Variants in C10orf53 observed in about 807,000 individuals in gnomAD.
C10orf53 encodes chromosome 10 open reading frame 53.
C10orf53 carries 8 observed loss-of-function variants against 9.4 expected under a neutral mutation model. The ratio of observed to expected loss-of-function variants is 0.85; its 90% CI spans 0.50 to 1.53. The LOEUF (loss-of-function observed/expected upper bound fraction) is 1.53, where lower values mean the gene tolerates loss of function less well. Among genes scored for constraint, C10orf53 ranks in the 40% most tolerant of loss-of-function variants. The pLI is 0.00. For missense variants in C10orf53, 117 were observed against 117.8 expected (o/e 0.99, Z 0.03); for synonymous variants, 48 against 46.0 (o/e 1.04, Z -0.18).
At chr10:49,698,854 C>T (rs933813957), downstream of C10orf53, among the ~76,000 whole-genome samples, 2 of 152,150 alleles carry the variant, frequency 1.3e-5, no homozygotes, top group Non-Finnish European at 2.9e-5. Context: ...AGTCAGGCAG[C>T]AGCAGACTGA....
intron 1 of C10orf53, among the ~76,000 whole-genome samples, chr10:49,680,007 GTGC>G (rs1197609869): frequency 9.2e-5 from 14 of 152,258 alleles, no homozygotes; most frequent in African/African-American, 3.4e-4. Context: ...GGCCCACCCA[GTGC>G]CCAGCAAATT....
chr10:49,690,607 G>A (rs1451052756), intron 1 of C10orf53, among the ~76,000 whole-genome samples: 1 of 152,118 alleles, frequency 6.6e-6, no homozygotes, highest in Non-Finnish European at 1.5e-5. Context: ...TGGCCTCAAT[G>A]CTGGTGAAGC....
intron 1 of C10orf53, among the ~76,000 whole-genome samples, chr10:49,690,292 A>G (rs1169778399): frequency 6.6e-6 from 1 of 152,208 alleles, no homozygotes; most frequent in Non-Finnish European, 1.5e-5. Flanking sequence ...CCGGCAGCCA[A>G]CAAGGGCCAG....
At chr10:49,687,613 G>A (rs1268309007) in intron 1 of C10orf53, among the ~76,000 whole-genome samples, 1 of 152,250 alleles carries the variant, frequency 6.6e-6, no homozygotes, top group African/African-American at 2.4e-5. Flanking sequence ...CCTCACCAAT[G>A]TGAGATTCTG....
chr10:49,703,669 G>T (rs910117366), intron 2 of C10orf53, among the ~76,000 whole-genome samples: 3 of 152,134 alleles, frequency 2.0e-5, no homozygotes, highest in Non-Finnish European at 1.5e-5. Flanking sequence ...GAGTGCTTTA[G>T]ATCTGGGGAC....
In C10orf53 at chr10:49,680,564, TG is replaced by T. The variant is rs552550006; in HGVS notation, c.97+772del. Among the ~76,000 whole-genome samples, 330 of 152,292 alleles carry T rather than the reference TG, an allele frequency of 2.2e-3. 4 individuals are homozygous for T. Among genetic ancestry groups the T allele is most frequent in the African/African-American group, 7.4e-3 (307 of 41,558 alleles). The stretch of plus-strand genomic sequence containing the variant: ...TTGTTAAACTGATGGGGGATGAGGC[TG>T]GAGAGGTAATCAGGCCAGATCCTGC... On this transcript the variant is annotated intron_variant, in intron 1 of 2. Transcript: ENST00000374111.
intron 1 of C10orf53, among the ~76,000 whole-genome samples, chr10:49,687,976 G>T (rs1840544443): frequency 6.6e-6 from 1 of 152,222 alleles, no homozygotes; most frequent in South Asian, 2.1e-4. Flanking sequence ...CCAGTGGCTG[G>T]AAATTACGTT....
At chr10:49,687,838 G>C (rs759118949) in intron 1 of C10orf53, among the ~76,000 whole-genome samples, 2 of 152,206 alleles carry the variant, frequency 1.3e-5, no homozygotes, top group Non-Finnish European at 2.9e-5. Flanking sequence ...CAGGAAGCCA[G>C]TGAAGGTTCT....
At chr10:49,683,901 A>T (rs544760661) in intron 1 of C10orf53, among the ~76,000 whole-genome samples, 8 of 152,332 alleles carry the variant, frequency 5.3e-5, no homozygotes, top group Admixed American at 1.3e-4. Flanking sequence ...CTGTCTAAAA[A>T]AAAGAAAGAA....
At chr10:49,682,459 G>A (rs1308396492) in intron 1 of C10orf53, among the ~76,000 whole-genome samples, 2 of 152,220 alleles carry the variant, frequency 1.3e-5, no homozygotes, top group Non-Finnish European at 2.9e-5. Context: ...AGCTCTTAAA[G>A]GTGGTGCAGA....
chr10:49,691,235 C>G (rs1347997039), intron 1 of C10orf53, among the ~76,000 whole-genome samples: 1 of 152,220 alleles, frequency 6.6e-6, no homozygotes, highest in African/African-American at 2.4e-5. Context: ...ATCCCTTAAG[C>G]CTGCACTGGC....
downstream of C10orf53, among the ~76,000 whole-genome samples, chr10:49,699,893 A>T (rs1462219564): frequency 3.7e-5 from 4 of 106,714 alleles, no homozygotes; most frequent in Admixed American, 8.7e-5. Flanking sequence ...GGCAGAGCTC[A>T]TCCCCCCCGA....
At chr10:49,691,188 G>C (rs1840580889) in intron 1 of C10orf53, among the ~76,000 whole-genome samples, 1 of 152,190 alleles carries the variant, frequency 6.6e-6, no homozygotes, top group South Asian at 2.1e-4. Context: ...AGTGGCATTT[G>C]GATGAGCTGC....
intron 2 of C10orf53, 78 bp from the exon 3 acceptor site, chr10:49,694,460 G>A (rs1437378351): frequency 1.3e-6 from 2 of 1,577,594 alleles, no homozygotes; most frequent in South Asian, 1.1e-5. Context: ...CACTCTGGGT[G>A]GAAGCCATAG....
chr10:49,693,432 T>G (rs144138940), intron 1 of C10orf53, among the ~76,000 whole-genome samples: 3 of 152,322 alleles, frequency 2.0e-5, no homozygotes, highest in African/African-American at 7.2e-5. Flanking sequence ...AGAAGTTGCC[T>G]ATTCCCCCAA....
chr10:49,702,260 AG>A (rs1182804049), downstream of C10orf53, among the ~76,000 whole-genome samples: 1 of 141,696 alleles, frequency 7.1e-6, no homozygotes, highest in Non-Finnish European at 1.5e-5. Context: ...AGGGAGGGAC[AG>A]TGGTCAAAAC....
At chr10:49,680,997 G>T (rs938069976) in intron 1 of C10orf53, among the ~76,000 whole-genome samples, 1 of 152,154 alleles carries the variant, frequency 6.6e-6, no homozygotes, top group African/African-American at 2.4e-5. Context: ...TGGGTTTATT[G>T]GGAGGTAACC....
downstream of C10orf53, among the ~76,000 whole-genome samples, chr10:49,699,898 C>CA (rs997068114): frequency 6.6e-5 from 10 of 151,940 alleles, no homozygotes; most frequent in African/African-American, 2.2e-4. Flanking sequence ...AGCTCATCCC[C>CA]CCCGAGATCA....
Position 49,693,881 on chromosome 10 carries a change from G to A in C10orf53, c.205G>A (p.Asp69Asn). The A allele has an allele frequency of 6.2e-7, 1 of 1,614,268 alleles. No individual in the cohort carries two copies. The change falls in exon 2 of 3, where the codon GAC becomes AAC. Residue 69 changes from aspartate to asparagine, a missense_variant. Physicochemically the swap from Asp to Asn is conservative, Grantham distance 23 (BLOSUM62 1). Coordinates refer to ENST00000374111, the MANE Select transcript of C10orf53 (RefSeq NM_001042427.3). Reference sequence around the variant, plus strand: ...AGTCATCTTCCACTGCAACATTAAGGACTTGGAGTTCGGTAAGCCCTTTGG... The same window carrying A: ...AGTCATCTTCCACTGCAACATTAAGAACTTGGAGTTCGGTAAGCCCTTTGG... ...EEVIFHCNIK[D>N]LEFGGDGKLD...
Sources: gnomAD v4.1 joint callset for allele counts (sites outside exome capture counted in the v4.1 genomes callset) on GRCh38, gnomAD v4.1.1 for gene constraint, MANE v1.5 for transcripts, NCBI Gene and HGNC (gene_info 2026-07-23, HGNC 2026-07-21) for gene names.